Variants in FUT8 observed in about 807,000 individuals in gnomAD.
FUT8 encodes alpha-(1,6)-fucosyltransferase.
A neutral mutation model predicts 71.3 loss-of-function variants in FUT8; 29 were observed. The ratio of observed to expected loss-of-function variants is 0.41; its 90% CI spans 0.30 to 0.55. The LOEUF is 0.55. FUT8 is among the 20% of genes least tolerant of loss of function. The pLI is 0.34. For missense variants in FUT8, 544 were observed against 702.1 expected (o/e 0.77, Z 2.55); for synonymous variants, 254 against 239.3 (o/e 1.06, Z -0.57).
intron 3 of FUT8, among the ~76,000 whole-genome samples, chr14:65,578,316 T>G (rs1459241340): frequency 6.6e-6 from 1 of 152,166 alleles, no homozygotes; most frequent in Non-Finnish European, 1.5e-5. Context: ...ATCACTTGAT[T>G]TATAGATGAC....
chr14:65,632,461 T>G (rs1890238845), intron 6 of FUT8, among the ~76,000 whole-genome samples: 1 of 152,236 alleles, frequency 6.6e-6, no homozygotes, highest in South Asian at 2.1e-4. Context: ...TTGATTTACG[T>G]TTCCCTGATC....
At chr14:65,468,800 C>T (rs923552663) in intron 2 of FUT8, among the ~76,000 whole-genome samples, 2 of 152,000 alleles carry the variant, frequency 1.3e-5, no homozygotes, top group Non-Finnish European at 2.9e-5. Flanking sequence ...CTTCTCTTTA[C>T]TCTTCCTTTC....
chr14:65,615,255 A>G (rs1316214005), intron 3 of FUT8, among the ~76,000 whole-genome samples: 1 of 151,986 alleles, frequency 6.6e-6, no homozygotes, highest in Non-Finnish European at 1.5e-5. Flanking sequence ...GCAGGCACAC[A>G]CCACCATGTG....
the FUT8 span, among the ~76,000 whole-genome samples, chr14:65,363,524 C>T: frequency 6.6e-4 from 100 of 152,152 alleles, 2 homozygotes; most frequent in East Asian, 0.016. Flanking sequence ...TCCAAAGTGC[C>T]GAGATTACAG....
chr14:65,573,286 A>C (rs888848016), intron 3 of FUT8, among the ~76,000 whole-genome samples: 1 of 152,146 alleles, frequency 6.6e-6, no homozygotes, highest in African/African-American at 2.4e-5. Flanking sequence ...AATGTAAGGT[A>C]AGATCATGCT....
intron 6 of FUT8, among the ~76,000 whole-genome samples, chr14:65,656,328 T>G (rs1265074296): frequency 6.6e-6 from 1 of 151,942 alleles, no homozygotes; most frequent in African/African-American, 2.4e-5. Flanking sequence ...TCAGTATTGT[T>G]TCTATATGCC....
intron 2 of FUT8, among the ~76,000 whole-genome samples, chr14:65,511,281 A>C (rs1321527917): frequency 1.3e-5 from 2 of 151,980 alleles, no homozygotes; most frequent in African/African-American, 4.8e-5. Context: ...GTTTGACACT[A>C]TGTGGGTTTT....
intron 2 of FUT8, among the ~76,000 whole-genome samples, chr14:65,485,453 G>C (rs2139697696): frequency 6.6e-6 from 1 of 152,292 alleles, no homozygotes; most frequent in South Asian, 2.1e-4. Context: ...TCCAGGGCTA[G>C]TTATTCCTCA....
At chr14:65,620,597 A>G (rs947723839) in intron 5 of FUT8, among the ~76,000 whole-genome samples, 13 of 152,190 alleles carry the variant, frequency 8.5e-5, no homozygotes, top group African/African-American at 3.1e-4. Context: ...AAGAATTGAT[A>G]TTCCCACTCT....
intron 1 of FUT8, among the ~76,000 whole-genome samples, chr14:65,415,182 G>A (rs1235352447): frequency 6.6e-6 from 1 of 152,098 alleles, no homozygotes; most frequent in African/African-American, 2.4e-5. Context: ...TGGTCTGGAG[G>A]GGGAGCTAGT....
At chr14:65,439,995 C>CGT (rs2065629279) in intron 1 of FUT8, among the ~76,000 whole-genome samples, 1 of 64,088 alleles carries the variant, frequency 1.6e-5, no homozygotes, top group Non-Finnish European at 3.3e-5. Context: ...TATATATGTA[C>CGT]ACACACACAG....
Position 65,550,671 on chromosome 14 carries a change from CT to C in FUT8, c.-227-10662del, listed in dbSNP as rs1167679608. 4.6e-5 allele frequency among the ~76,000 whole-genome samples: 7 copies of C among 151,828 alleles called. No individual in the cohort carries two copies. The highest frequency in any genetic ancestry group is 8.8e-5 in the Non-Finnish European group (6 of 67,940). ...TCTTTTTTCAACATTTTCATTTTTT[CT>C]TTTAAATCCTAGCACATATTTCGAT... On this transcript the variant is annotated intron_variant, in intron 2 of 10. Coordinates refer to ENST00000673929, the MANE Select transcript of FUT8 (RefSeq NM_001371533.1). This position sits in a 1 kb window ranked among gnomAD's most constrained non-coding sequence, Gnocchi z 4.5.
At position 65,611,299 on chromosome 14, in the gene FUT8, ACAC is replaced by A. The variant is rs1888980585; in HGVS notation, c.204-4677_204-4675del. Among the ~76,000 whole-genome samples, 11 of 49,690 alleles carry A rather than the reference ACAC, an allele frequency of 2.2e-4. 2 individuals are homozygous for A. In the South Asian group the frequency reaches 2.3e-3, roughly 10 times the overall value. 32.6% of individuals were successfully genotyped at this position (49,690 alleles called of 152,430 possible). On this transcript the variant is annotated intron_variant, in intron 3 of 10. Transcript: ENST00000673929. The stretch of plus-strand genomic sequence containing the variant: ...CACACACACACACACACACACACAC[ACAC>A]CCCCCAAGTAATAGCCTTGATTTTG...
At chr14:65,734,432 C>T (rs897914389) in intron 10 of FUT8, among the ~76,000 whole-genome samples, 2 of 152,128 alleles carry the variant, frequency 1.3e-5, no homozygotes, top group African/African-American at 4.8e-5. Flanking sequence ...GCAAAGGTTA[C>T]AGATTCCTTT....
Position 65,455,212 on chromosome 14 carries a change from G to A in FUT8, c.-325-409G>A, listed in dbSNP as rs925188131. Among the ~76,000 whole-genome samples, 4 of 152,174 alleles carry A rather than the reference G, an allele frequency of 2.6e-5. No homozygotes were observed. The South Asian group carries it at 6.2e-4, about 24-fold the overall frequency. ...AGAAGATAGTAAGAAACTAGGTTAT[G>A]TAGCTAACCGAGGTGTCATACAAAA... On this transcript the variant is annotated intron_variant, in intron 1 of 10. Coordinates refer to ENST00000673929, the MANE Select transcript of FUT8 (RefSeq NM_001371533.1).
Position 65,467,942 on chromosome 14 carries a change from CT to C in FUT8, c.-228+12229del. 1.4e-6 allele frequency: 1 copy of C among 737,542 alleles called. No individual in the cohort carries two copies. The highest frequency in any genetic ancestry group is 2.5e-6 in the Non-Finnish European group (1 of 393,758). The allele number at this position is 737,542 out of a possible 1,614,324, so 45.7% of individuals were successfully genotyped here. A position where few individuals can be genotyped will look rare whatever the true frequency, so the allele number is the denominator to read the frequency against. ...GGGTACCTTTCTCTTTGGCTTCTTT[CT>C]TTTTCCGATCATTTTCCTTTACGTG... On this transcript the variant is annotated intron_variant, in intron 2 of 10. Transcript: ENST00000673929. The surrounding 1 kb of genome is among the most constrained non-coding windows in gnomAD (Gnocchi z 4.1).
At chr14:65,583,876 A>G (rs1317722919) in intron 3 of FUT8, among the ~76,000 whole-genome samples, 1 of 152,058 alleles carries the variant, frequency 6.6e-6, no homozygotes, top group African/African-American at 2.4e-5. Context: ...GCCAGCTAAG[A>G]GTCTTTGTTT....
Position 65,607,143 on chromosome 14 carries a change from T to C in FUT8, c.204-8835T>C, listed in dbSNP as rs575136942. 1.3e-5 allele frequency among the ~76,000 whole-genome samples: 2 copies of C among 152,066 alleles called. No individual in the cohort carries two copies. Among genetic ancestry groups the C allele is most frequent in the South Asian group, 4.2e-4 (2 of 4,794 alleles). ...ATTTTCTGTATTAAAGTTTATATTA[T>C]CTGAATAACATTTGTTTCTTCATTT... On this transcript the variant is annotated intron_variant, in intron 3 of 10. Transcript: ENST00000673929. The surrounding 1 kb of genome is among the most constrained non-coding windows in gnomAD (Gnocchi z 4.1).
chr14:65,496,471 G>C (rs2139746911), intron 2 of FUT8, among the ~76,000 whole-genome samples: 1 of 152,186 alleles, frequency 6.6e-6, no homozygotes, highest in Admixed American at 6.5e-5. Context: ...TCAAGGGAGA[G>C]ACCTGGTGGG....
Sources: gnomAD v4.1 joint callset for allele counts (sites outside exome capture counted in the v4.1 genomes callset) on GRCh38, gnomAD v4.1.1 for gene constraint, Gnocchi (gnomAD v3.1) non-coding constraint, MANE v1.5 for transcripts, NCBI Gene and HGNC (gene_info 2026-07-23, HGNC 2026-07-21) for gene names.